MOB1B: variants seen among roughly 807,000 people sequenced by gnomAD.
MOB1B encodes MOB1 Mps One Binder homolog B.
MOB1B carries 19 observed loss-of-function variants against 24.4 expected under a neutral mutation model. The ratio of observed to expected loss-of-function variants is 0.78; its 90% confidence interval spans 0.54 to 1.14. The LOEUF (loss-of-function observed/expected upper bound fraction) is 1.14, where lower values mean the gene tolerates loss of function less well. Ranked by LOEUF, MOB1B falls within the 50% of genes most tolerant of loss-of-function variation. MOB1B has a pLI of 0.00. For missense variants in MOB1B, 243 were observed against 259.6 expected, an observed-to-expected ratio of 0.94 and a Z score of 0.44; for synonymous variants, 76 against 82.1, an observed-to-expected ratio of 0.93 and a Z score of 0.40.
intron 2 of MOB1B, among the ~76,000 whole-genome samples, chr4:70,966,478 GGTTCTCTTGCCTCAGCCTCCC>G (rs1229498977): frequency 6.6e-6 from 1 of 151,654 alleles, no homozygotes; most frequent in Non-Finnish European, 1.5e-5. Context: ...AGGTTCAAGC[GGTTCTCTTGCCTCAGCCTCCC>G]GAGTAGCTGG....
chr4:70,902,178 G>C (rs1259883204), upstream of MOB1B: 4 of 431,308 alleles, frequency 9.3e-6, no homozygotes, highest in Non-Finnish European at 1.7e-5. Flanking sequence ...GAGGAGACCA[G>C]AAGGTGAGAG....
intron 1 of MOB1B, among the ~76,000 whole-genome samples, chr4:70,911,284 T>C (rs1735977528): frequency 6.6e-6 from 1 of 152,006 alleles, no homozygotes; most frequent in African/African-American, 2.4e-5. Flanking sequence ...AAAAAGGATA[T>C]CAGATATTAT....
At chr4:70,930,251 T>A (rs928944577) in intron 1 of MOB1B, among the ~76,000 whole-genome samples, 10 of 152,096 alleles carry the variant, frequency 6.6e-5, no homozygotes, top group African/African-American at 2.4e-4. Context: ...AAACTGATAA[T>A]TTAGTGTACA....
intron 1 of MOB1B, among the ~76,000 whole-genome samples, chr4:70,945,693 T>A (rs1436057201): frequency 6.6e-6 from 1 of 152,222 alleles, no homozygotes; most frequent in African/African-American, 2.4e-5. Context: ...CAGTGATGCC[T>A]TAGAAACATT....
chr4:70,968,828 C>T (rs1419724024), intron 2 of MOB1B, among the ~76,000 whole-genome samples: 3 of 151,976 alleles, frequency 2.0e-5, no homozygotes, highest in Non-Finnish European at 4.4e-5. Context: ...TTGCTATGTT[C>T]CCCAGGCTGG....
chr4:70,924,502 C>CT (rs1300243676), intron 1 of MOB1B, among the ~76,000 whole-genome samples: 6 of 152,014 alleles, frequency 3.9e-5, no homozygotes, highest in African/African-American at 1.5e-4. Context: ...TTAAATTATA[C>CT]TTTAAGTTCT....
intron 1 of MOB1B, among the ~76,000 whole-genome samples, chr4:70,929,182 CTTTT>C (rs11362114): frequency 2.1e-5 from 2 of 95,128 alleles, no homozygotes; most frequent in Non-Finnish European, 2.3e-5. Flanking sequence ...TTCTTTCTTT[CTTTT>C]TTTTTTTTTT....
At chr4:70,937,906 A>G (rs1364213322) in intron 1 of MOB1B, among the ~76,000 whole-genome samples, 3 of 151,898 alleles carry the variant, frequency 2.0e-5, no homozygotes, top group Non-Finnish European at 2.9e-5. Context: ...AATTTCTGCA[A>G]TCATTTTTTA....
At chr4:70,937,004 C>T (rs1311470679) in intron 1 of MOB1B, among the ~76,000 whole-genome samples, 1 of 152,030 alleles carries the variant, frequency 6.6e-6, no homozygotes, top group African/African-American at 2.4e-5. Flanking sequence ...GCAACCTCTG[C>T]CTCCCAGGTT....
At chr4:70,904,524 G>A in intron 1 of MOB1B, among the ~76,000 whole-genome samples, 1 of 151,730 alleles carries the variant, frequency 6.6e-6, no homozygotes, top group Non-Finnish European at 1.5e-5. Flanking sequence ...ACTTTGGGAG[G>A]CCAAGACAGG....
At chr4:70,904,896 T>C (rs1459900696) in intron 1 of MOB1B, among the ~76,000 whole-genome samples, 10 of 152,172 alleles carry the variant, frequency 6.6e-5, no homozygotes, top group Admixed American at 6.6e-4. Flanking sequence ...ATTTAATAGA[T>C]TCAGATTTGT....
intron 1 of MOB1B, among the ~76,000 whole-genome samples, chr4:70,904,016 C>T (rs1487870884): frequency 7.4e-6 from 1 of 135,752 alleles, no homozygotes; most frequent in Non-Finnish European, 1.5e-5. Context: ...AGTCTCCGCT[C>T]TGTCACCAGG....
At chr4:70,928,039 A>G (rs1431406679) in intron 1 of MOB1B, among the ~76,000 whole-genome samples, 2 of 150,636 alleles carry the variant, frequency 1.3e-5, no homozygotes, top group Non-Finnish European at 3.0e-5. Context: ...CCCCACCCCC[A>G]TTTCTTTAGC....
In MOB1B at chr4:70,922,563, C is replaced by T. The variant is rs572689844; in HGVS notation, c.14+20013C>T. Among the ~76,000 whole-genome samples, 4 of 152,290 alleles carry T rather than the reference C, an allele frequency of 2.6e-5. No individual in the cohort carries two copies. In the East Asian group the frequency reaches 7.7e-4, roughly 29 times the overall value. On this transcript the variant is annotated intron_variant, in intron 1 of 5. Coordinates refer to ENST00000309395, the MANE Select transcript of MOB1B (RefSeq NM_173468.4). ...GAAGCAATCAGATGTGCATTTATCT[C>T]AGTGAGACTTTGAATAGAATGAGAG...
intron 1 of MOB1B, among the ~76,000 whole-genome samples, chr4:70,912,343 G>T (rs182384301): frequency 6.0e-5 from 9 of 149,216 alleles, no homozygotes; most frequent in African/African-American, 2.2e-4. Flanking sequence ...GCAGTGGTGC[G>T]ATCTCTGCTC....
At chr4:70,952,414 T>C (rs980539729) in intron 1 of MOB1B, among the ~76,000 whole-genome samples, 2 of 151,458 alleles carry the variant, frequency 1.3e-5, no homozygotes, top group Non-Finnish European at 2.9e-5. Context: ...GAGGCCGAGG[T>C]GGGCGGATCA....
intron 1 of MOB1B, 136 bp downstream of exon 1, chr4:70,902,686 C>T: frequency 2.4e-6 from 2 of 820,312 alleles, no homozygotes; most frequent in East Asian, 3.4e-5. Flanking sequence ...CACCACCAAG[C>T]GGGGCCCCGG....
At chr4:70,917,803 A>G (rs1736253128) in intron 1 of MOB1B, among the ~76,000 whole-genome samples, 1 of 152,220 alleles carries the variant, frequency 6.6e-6, no homozygotes, top group Admixed American at 6.5e-5. Flanking sequence ...CACCAAATGT[A>G]TGTGAAGCTT....
rs564629231 is a variant in MOB1B at position 70,902,414 on chromosome 4, G to A, written c.-123G>A. On this transcript the variant is annotated 5_prime_UTR_variant, in exon 1 of 6. Transcript: ENST00000309395. ...ACTAGTTGCGGCCACCGAGCAGCCG[G>A]CTCTCGGCACCTCCTCCTCCGCCTC... is the stretch of plus-strand genomic sequence containing the variant. 8 of 1,067,134 alleles carry A rather than the reference G, an allele frequency of 7.5e-6. No individual in the cohort carries two copies. In the African/African-American group the frequency reaches 1.3e-4, roughly 17 times the overall value. 66.1% of individuals were successfully genotyped at this position (1,067,134 alleles called of 1,614,324 possible). A position where few individuals can be genotyped will look rare whatever the true frequency, so the allele number is the denominator to read the frequency against.
Sources: allele counts gnomAD v4.1 joint callset (sites outside exome capture counted in the v4.1 genomes callset), GRCh38; gene constraint gnomAD v4.1.1; transcripts MANE v1.5; gene names NCBI Gene and HGNC (gene_info 2026-07-23, HGNC 2026-07-21).